SNX29: variants seen among roughly 807,000 people sequenced by gnomAD.
SNX29 encodes the protein sorting nexin-29.
In SNX29, 78 loss-of-function variants were observed where a neutral mutation model predicts 102.1. That is an observed-to-expected ratio of 0.76 (90% CI 0.64 to 0.92). The LOEUF (loss-of-function observed/expected upper bound fraction) is 0.92. Ranked by LOEUF, SNX29 falls within the 40% of genes least tolerant of loss-of-function variation. SNX29 has a pLI of 0.00. For synonymous variants in SNX29, 580 were observed against 414.5 expected (o/e 1.40, Z -4.85); for missense variants, 1,280 against 1,061.7 (o/e 1.21, Z -2.86).
At chr16:12,215,802 T>A (rs1336114576) in intron 14 of SNX29, among the ~76,000 whole-genome samples, 1 of 152,218 alleles carries the variant, frequency 6.6e-6, no homozygotes, top group Non-Finnish European at 1.5e-5. Flanking sequence ...ACACCCCGTT[T>A]CCTGCCTGTG....
At chr16:12,247,769 A>T (rs971657146) in intron 14 of SNX29, among the ~76,000 whole-genome samples, 7 of 152,188 alleles carry the variant, frequency 4.6e-5, no homozygotes, top group African/African-American at 1.7e-4. Flanking sequence ...TGGGTTCCTT[A>T]CATGGCATTC....
intron 14 of SNX29, among the ~76,000 whole-genome samples, chr16:12,268,108 G>A (rs536099295): frequency 6.6e-6 from 1 of 152,316 alleles, no homozygotes; most frequent in East Asian, 1.9e-4. Context: ...CCTCACTAGC[G>A]AGGGCTTTCT....
At position 12,074,677 on chromosome 16, in the gene SNX29, C is replaced by T. The variant is rs1199412657; in HGVS notation, c.1320-4156C>T. ...CTCTTCTCCAGGAGTATCTTTGTGG[C>T]GTTCTCTGTATTTCCTGAATCTGAA... On this transcript the variant is annotated intron_variant, in intron 10 of 20. Coordinates refer to ENST00000566228, the MANE Select transcript of SNX29 (RefSeq NM_032167.5). 3.3e-5 allele frequency among the ~76,000 whole-genome samples: 5 copies of T among 152,096 alleles called. No individual in the cohort carries two copies. In the East Asian group the frequency reaches 7.7e-4, roughly 24 times the overall value.
intron 20 of SNX29, among the ~76,000 whole-genome samples, chr16:12,530,547 TTTTTTTG>T (rs1225827539): frequency 3.9e-5 from 6 of 152,126 alleles, no homozygotes; most frequent in African/African-American, 2.4e-5. Context: ...CTTCGTTTTT[TTTTTTTG>T]TTTTTTGTTT....
intron 3 of SNX29, among the ~76,000 whole-genome samples, chr16:12,006,946 CAG>C (rs1462572056): frequency 3.9e-5 from 6 of 152,156 alleles, no homozygotes; most frequent in Non-Finnish European, 7.3e-5. Context: ...GATGAGAAAA[CAG>C]ATTCAGAGAG....
intron 20 of SNX29, among the ~76,000 whole-genome samples, chr16:12,544,239 G>GA (rs1331393238): frequency 6.6e-6 from 1 of 151,048 alleles, no homozygotes; most frequent in Non-Finnish European, 1.5e-5. Flanking sequence ...CACCAAGATT[G>GA]AAACTAACTT....
At chr16:12,482,209 T>G (rs2087976382) in intron 19 of SNX29, among the ~76,000 whole-genome samples, 1 of 152,218 alleles carries the variant, frequency 6.6e-6, no homozygotes, top group Non-Finnish European at 1.5e-5. Context: ...CCTGGACCAT[T>G]GTGGCACACG....
At chr16:12,160,018 C>G (rs1160967418) in intron 13 of SNX29, among the ~76,000 whole-genome samples, 1 of 152,194 alleles carries the variant, frequency 6.6e-6, no homozygotes, top group Non-Finnish European at 1.5e-5. Context: ...TAAGTAAGTC[C>G]CTTTCCAAAA....
chr16:12,291,888 A>G lies in SNX29; in HGVS notation c.1782+13852A>G, dbSNP rs772073416. ...TGAATGAATGGATGAGTGAGTGAAGAGTGAGTGAGAGCCAGATCAGTGGAT... is the reference window on the plus strand; with the variant it reads ...TGAATGAATGGATGAGTGAGTGAAGGGTGAGTGAGAGCCAGATCAGTGGAT... On this transcript the variant is annotated intron_variant, in intron 15 of 20. Transcript: ENST00000566228. 5.3e-5 allele frequency among the ~76,000 whole-genome samples: 8 copies of G among 152,334 alleles called. No individual in the cohort carries two copies. The South Asian group carries it at 1.5e-3, about 28-fold the overall frequency.
intron 20 of SNX29, among the ~76,000 whole-genome samples, chr16:12,553,755 GT>G (rs535546933): frequency 6.6e-6 from 1 of 151,878 alleles, no homozygotes; most frequent in Admixed American, 6.6e-5. Context: ...CCCCAGCCTA[GT>G]TTTTTTCCTT....
intron 19 of SNX29, among the ~76,000 whole-genome samples, chr16:12,520,797 G>A (rs1327837386): frequency 1.3e-5 from 2 of 152,124 alleles, no homozygotes; most frequent in African/African-American, 2.4e-5. Flanking sequence ...GGGGACTCAG[G>A]CGTGGGGGAG....
intron 20 of SNX29, among the ~76,000 whole-genome samples, chr16:12,548,381 C>T (rs1021098127): frequency 8.5e-5 from 13 of 152,232 alleles, no homozygotes; most frequent in Non-Finnish European, 1.8e-4. Flanking sequence ...GGGAGTCCCA[C>T]ACCTTCTAAG....
rs149500340 is a variant in SNX29 at position 12,348,132 on chromosome 16, T to C, written c.1783-8031T>C. Among the ~76,000 whole-genome samples, 144 of 152,284 alleles carry C rather than the reference T, an allele frequency of 9.5e-4. 1 individual carries two copies. The highest frequency in any genetic ancestry group is 3.3e-3 in the African/African-American group (138 of 41,552). On this transcript the variant is annotated intron_variant, in intron 15 of 20. Transcript: ENST00000566228. ...CAGGAATCAAAGACGTGTGATTCTT[T>C]ACACAAGGTCATCCAGCAGTGAGTA...
chr16:12,113,717 A>G (rs1371853225), intron 11 of SNX29, among the ~76,000 whole-genome samples: 1 of 152,252 alleles, frequency 6.6e-6, no homozygotes, highest in African/African-American at 2.4e-5. Flanking sequence ...TTGGCCTCGC[A>G]GCCCCAGGGG....
chr16:12,219,399 T>A (rs1248595651), intron 14 of SNX29, among the ~76,000 whole-genome samples: 1 of 152,210 alleles, frequency 6.6e-6, no homozygotes, highest in African/African-American at 2.4e-5. Flanking sequence ...GGAACAATAC[T>A]TAACCTTTAT....
At chr16:12,540,821 G>A (rs2077300254) in intron 20 of SNX29, among the ~76,000 whole-genome samples, 1 of 152,170 alleles carries the variant, frequency 6.6e-6, no homozygotes, top group East Asian at 1.9e-4. Context: ...GAGAGAAGGG[G>A]CAAAAAGAAA....
chr16:12,128,560 C>G (rs2054319987), intron 12 of SNX29, among the ~76,000 whole-genome samples: 1 of 148,026 alleles, frequency 6.8e-6, no homozygotes, highest in Non-Finnish European at 1.5e-5. Flanking sequence ...TCAAGCAATT[C>G]TCCTGCCTCA....
chr16:12,286,209 T>C (rs1221196511), intron 15 of SNX29, among the ~76,000 whole-genome samples: 1 of 152,022 alleles, frequency 6.6e-6, no homozygotes, highest in South Asian at 2.1e-4. Context: ...CTCATATAGT[T>C]TGATTACCAA....
intron 11 of SNX29, among the ~76,000 whole-genome samples, chr16:12,115,165 C>G (rs559081178): frequency 1.3e-5 from 2 of 152,204 alleles, no homozygotes; most frequent in Admixed American, 1.3e-4. Context: ...GAAGTCCGTC[C>G]CTCCCCCTCC....
Sources: gnomAD v4.1 joint callset for allele counts (sites outside exome capture counted in the v4.1 genomes callset) on GRCh38, gnomAD v4.1.1 for gene constraint, MANE v1.5 for transcripts, NCBI Gene and HGNC (gene_info 2026-07-23, HGNC 2026-07-21) for gene names.